The following XKR3 variants were observed in gnomAD, a reference collection of about 807,000 sequenced individuals.
The protein encoded by XKR3 is XK related 3, also known as XK-related protein 3.
Under a neutral mutation model 40.3 loss-of-function variants are expected in XKR3, and 27 were observed. That is an observed-to-expected ratio of 0.67 (90% confidence interval 0.49 to 0.92). The LOEUF (loss-of-function observed/expected upper bound fraction) is 0.92, where lower values mean the gene tolerates loss of function less well. XKR3 is among the 40% of genes least tolerant of loss of function. XKR3 has a pLI of 0.00. For missense variants in XKR3, 472 were observed against 537.6 expected (o/e 0.88, Z 1.21); for synonymous variants, 193 against 195.4 (o/e 0.99, Z 0.10).
intron 2 of XKR3, among the ~76,000 whole-genome samples, chr22:16,801,630 G>A (rs576797482): frequency 1.3e-5 from 2 of 152,012 alleles, no homozygotes; most frequent in African/African-American, 4.8e-5. Flanking sequence ...ACTACAAGTT[G>A]TCAGGTGTTA....
At position 16,784,054 on chromosome 22, in the gene XKR3, A is replaced by G; in HGVS notation, c.945T>C (p.Ala315=). The part of the protein sequence containing the change: ...LMLFLITLLY[A]AINFSCWSAV... ...CTGACCAGCAGGAGAAGTTGATGGC[A>G]GCATATAGCAGTGTGATCAAGAAAA... The change falls in exon 4 of 4, where the codon GCT becomes GCC. Residue 315 remains alanine, a synonymous_variant. Coordinates refer to ENST00000684488, the MANE Select transcript of XKR3 (RefSeq NM_001386955.1). The G allele has an allele frequency of 6.2e-7, 1 of 1,614,256 alleles. No homozygotes were observed. Among genetic ancestry groups the G allele is most frequent in the East Asian group, 2.2e-5 (1 of 44,894 alleles).
At chr22:16,799,362 C>T (rs536161889) in intron 3 of XKR3, among the ~76,000 whole-genome samples, 8 of 129,980 alleles carry the variant, frequency 6.2e-5, no homozygotes, top group African/African-American at 2.1e-4. Flanking sequence ...TGCAGTGGGC[C>T]GAGATCGGGC....
chr22:16,811,716 T>A (rs1192748489), intron 1 of XKR3, among the ~76,000 whole-genome samples: 1 of 152,136 alleles, frequency 6.6e-6, no homozygotes, highest in African/African-American at 2.4e-5. Flanking sequence ...ATTAAAAAAA[T>A]GATTTAATAT....
At chr22:16,812,413 AC>A (rs2060216643) in intron 1 of XKR3, among the ~76,000 whole-genome samples, 1 of 152,170 alleles carries the variant, frequency 6.6e-6, no homozygotes, top group Non-Finnish European at 1.5e-5. Flanking sequence ...GCGGTGGCTC[AC>A]GTCTGTAGTC....
intron 3 of XKR3, among the ~76,000 whole-genome samples, chr22:16,787,139 G>A (rs2060094069): frequency 6.6e-6 from 1 of 151,622 alleles, no homozygotes; most frequent in Non-Finnish European, 1.5e-5. Flanking sequence ...TGACAGAAGT[G>A]GCCAAGCAGA....
At chr22:16,809,125 T>C (rs1490431122) in intron 1 of XKR3, among the ~76,000 whole-genome samples, 1 of 152,238 alleles carries the variant, frequency 6.6e-6, no homozygotes, top group Non-Finnish European at 1.5e-5. Context: ...GAACTGTCTT[T>C]GCATTGCTTT....
At chr22:16,804,969 G>A (rs1181544386) in intron 2 of XKR3, among the ~76,000 whole-genome samples, 6 of 152,156 alleles carry the variant, frequency 3.9e-5, no homozygotes, top group Non-Finnish European at 1.5e-5. Context: ...ATTTTACAGA[G>A]TTTAACTCTT....
Position 16,784,051 on chromosome 22 carries a change from G to A in XKR3, c.948C>T (p.Ala316=). The A allele has an allele frequency of 6.2e-7, 1 of 1,614,210 alleles. No individual in the cohort carries two copies. Among genetic ancestry groups the A allele is most frequent in the South Asian group, 1.1e-5 (1 of 91,082 alleles). The change falls in exon 4 of 4, where the codon GCC becomes GCT. Residue 316 remains alanine, a synonymous_variant. Coordinates refer to ENST00000684488, the MANE Select transcript of XKR3 (RefSeq NM_001386955.1). The stretch of plus-strand genomic sequence containing the variant: ...CTGCTGACCAGCAGGAGAAGTTGAT[G>A]GCAGCATATAGCAGTGTGATCAAGA... ...MLFLITLLYA[A]INFSCWSAVK...
intron 2 of XKR3, among the ~76,000 whole-genome samples, chr22:16,800,524 G>C (rs1408794526): frequency 6.6e-6 from 1 of 152,110 alleles, no homozygotes; most frequent in African/African-American, 2.4e-5. Context: ...AACATATTTT[G>C]ACTTATGATT....
chr22:16,795,425 A>G (rs1185374597), intron 3 of XKR3, among the ~76,000 whole-genome samples: 1 of 152,194 alleles, frequency 6.6e-6, no homozygotes, highest in African/African-American at 2.4e-5. Flanking sequence ...GAAAGTTTAT[A>G]GCCCTAAAAT....
intron 3 of XKR3, among the ~76,000 whole-genome samples, chr22:16,787,718 C>A (rs5994018): frequency 0.02 from 3,077 of 151,934 alleles, 105 homozygotes; most frequent in African/African-American, 0.07. Context: ...CAAATAATAT[C>A]GCCATGGCTT....
chr22:16,806,945 A>T (rs62227213), intron 2 of XKR3, among the ~76,000 whole-genome samples: 27,463 of 152,148 alleles, frequency 0.18, 2,931 homozygotes, highest in East Asian at 0.28. Flanking sequence ...GTGGTCCATA[A>T]ATATGAAGAA....
chr22:16,823,821 T>C (rs183391578), intron 1 of XKR3, among the ~76,000 whole-genome samples: 57 of 151,858 alleles, frequency 3.8e-4, no homozygotes, highest in Admixed American at 1.3e-3. Flanking sequence ...TTTTTTTTAA[T>C]GTAAACAAAC....
chr22:16,810,225 T>C (rs2060207154), intron 1 of XKR3, among the ~76,000 whole-genome samples: 1 of 152,180 alleles, frequency 6.6e-6, no homozygotes, highest in South Asian at 2.1e-4. Context: ...GAGTCTGTTG[T>C]ACATATTCGA....
intron 1 of XKR3, among the ~76,000 whole-genome samples, chr22:16,809,975 C>T (rs1293528361): frequency 6.6e-6 from 1 of 152,204 alleles, no homozygotes; most frequent in Admixed American, 6.5e-5. Context: ...TGGTCTCGAG[C>T]TCCTGGGCTC....
rs1228814337 is a variant in XKR3, at chr22:16,784,302, T to C, written c.697A>G (p.Ile233Val). ...CACATCACGACACAGAAGAATTCTA[T>C]CGGCGGTAGCTTAATGGTAGTATCA... Reference protein sequence around the residue: ...NDDTTIKLPPIEFFCVVMWRF... With the variant: ...NDDTTIKLPPVEFFCVVMWRF... The change falls in exon 4 of 4, where the codon ATA (isoleucine) becomes GTA (valine). Residue 233 changes from isoleucine (I) to valine (V), a missense_variant. Physicochemically the swap from Ile to Val is conservative, Grantham distance 29. Coordinates refer to ENST00000684488, the MANE Select transcript of XKR3 (RefSeq NM_001386955.1). 13 of 1,614,190 alleles carry C rather than the reference T, an allele frequency of 8.1e-6. No individual in the cohort carries two copies. Among genetic ancestry groups the C allele is most frequent in the South Asian group, 2.2e-5 (2 of 91,080 alleles).
At chr22:16,813,011 G>T (rs185470900) in intron 1 of XKR3, among the ~76,000 whole-genome samples, 68 of 152,220 alleles carry the variant, frequency 4.5e-4, no homozygotes, top group African/African-American at 1.6e-3. Flanking sequence ...TGGGCCGGGC[G>T]CGGTGGCTCA....
chr22:16,808,131 T>C, intron 1 of XKR3, 48 bp from the exon 2 acceptor site: 2 of 1,388,024 alleles, frequency 1.4e-6, no homozygotes, highest in Non-Finnish European at 2.0e-6. Context: ...GAGTTCAGTA[T>C]TAAATTTAAA....
At chr22:16,793,575 T>TA (rs1197298737) in intron 3 of XKR3, among the ~76,000 whole-genome samples, 1 of 152,108 alleles carries the variant, frequency 6.6e-6, no homozygotes, top group Non-Finnish European at 1.5e-5. Flanking sequence ...CTGGTGACCA[T>TA]AAAACAGACC....
Sources: gnomAD v4.1 joint callset for allele counts (sites outside exome capture counted in the v4.1 genomes callset) on GRCh38, gnomAD v4.1.1 for gene constraint, MANE v1.5 for transcripts, NCBI Gene and HGNC (gene_info 2026-07-23, HGNC 2026-07-21) for gene names.